IMMP2L: variants seen among roughly 807,000 people sequenced by gnomAD.
The protein encoded by IMMP2L is mitochondrial inner membrane protease subunit 2.
Under a neutral mutation model 19.3 loss-of-function variants are expected in IMMP2L, and 18 were observed. That is an observed-to-expected ratio of 0.93 (90% confidence interval 0.64 to 1.38). The LOEUF (loss-of-function observed/expected upper bound fraction) is 1.38. Among genes scored for constraint, IMMP2L ranks in the 40% most tolerant of loss-of-function variants. The pLI is 0.00. For synonymous variants in IMMP2L, 76 were observed against 73.0 expected (o/e 1.04, Z -0.21); for missense variants, 233 against 218.2 (o/e 1.07, Z -0.43).
intron 3 of IMMP2L, among the ~76,000 whole-genome samples, chr7:111,285,091 C>T (rs1020951833): frequency 6.6e-6 from 1 of 152,034 alleles, no homozygotes; most frequent in African/African-American, 2.4e-5. Context: ...GGAGTTTGCA[C>T]CGACAGCATC....
intron 3 of IMMP2L, among the ~76,000 whole-genome samples, chr7:111,112,217 G>A (rs111526457): frequency 0.025 from 3,823 of 151,852 alleles, 165 homozygotes; most frequent in African/African-American, 0.087. Flanking sequence ...GCCTGACTTC[G>A]CCTCCCAAAG....
At chr7:110,670,925 G>C (rs1033145894) in intron 5 of IMMP2L, among the ~76,000 whole-genome samples, 1 of 152,186 alleles carries the variant, frequency 6.6e-6, no homozygotes, top group Non-Finnish European at 1.5e-5. Context: ...ATTGGAACTT[G>C]ATTCTCCCCT....
At chr7:111,480,626 GA>G (rs1842105099) in intron 3 of IMMP2L, among the ~76,000 whole-genome samples, 2 of 141,804 alleles carry the variant, frequency 1.4e-5, no homozygotes, top group Non-Finnish European at 3.0e-5. Context: ...AAAAAAACTG[GA>G]AACCTAGGTA....
chr7:110,743,911 C>T (rs1797153472), intron 5 of IMMP2L, among the ~76,000 whole-genome samples: 1 of 151,850 alleles, frequency 6.6e-6, no homozygotes, highest in Admixed American at 6.6e-5. Context: ...TGAAACAGAA[C>T]CGTTCACTCC....
chr7:110,698,703 A>G (rs1433832933), intron 5 of IMMP2L, among the ~76,000 whole-genome samples: 6 of 152,210 alleles, frequency 3.9e-5, no homozygotes, highest in Non-Finnish European at 7.3e-5. Context: ...GAGAAAGCCA[A>G]ATGGATTTCG....
intron 3 of IMMP2L, among the ~76,000 whole-genome samples, chr7:111,323,685 T>A (rs1192285915): frequency 6.6e-6 from 1 of 152,084 alleles, no homozygotes; most frequent in Non-Finnish European, 1.5e-5. Context: ...TAAAGACACA[T>A]CCACGCATAT....
At chr7:111,420,421 A>T (rs1835380974) in intron 3 of IMMP2L, among the ~76,000 whole-genome samples, 1 of 151,756 alleles carries the variant, frequency 6.6e-6, no homozygotes, top group Admixed American at 6.6e-5. Context: ...TCTTTTTTTT[A>T]AACTTCAAGT....
intron 3 of IMMP2L, among the ~76,000 whole-genome samples, chr7:111,423,085 A>G (rs1355080088): frequency 6.6e-6 from 1 of 151,848 alleles, no homozygotes; most frequent in Non-Finnish European, 1.5e-5. Flanking sequence ...ATCATGGTGG[A>G]TAAGCTTCTT....
intron 2 of IMMP2L, among the ~76,000 whole-genome samples, chr7:111,519,770 C>A (rs1846178008): frequency 6.6e-6 from 1 of 152,018 alleles, no homozygotes; most frequent in Non-Finnish European, 1.5e-5. Flanking sequence ...ACATGATCCT[C>A]TGGAATATCA....
intron 3 of IMMP2L, among the ~76,000 whole-genome samples, chr7:111,367,479 C>CT (rs111245318): frequency 0.26 from 38,096 of 145,362 alleles, 6,281 homozygotes; most frequent in African/African-American, 0.48. Context: ...AGCAAAAAGG[C>CT]TTTTTTTTTT....
At chr7:111,138,605 A>G (rs186880917) in intron 3 of IMMP2L, among the ~76,000 whole-genome samples, 1 of 152,342 alleles carries the variant, frequency 6.6e-6, no homozygotes, top group Non-Finnish European at 1.5e-5. Flanking sequence ...GTTAGGTAAA[A>G]CTTGTAAATA....
At chr7:110,677,962 C>A (rs527814499) in intron 5 of IMMP2L, among the ~76,000 whole-genome samples, 1 of 152,082 alleles carries the variant, frequency 6.6e-6, no homozygotes, top group African/African-American at 2.4e-5. Flanking sequence ...AGTGATAGTT[C>A]TGGAAGCATG....
chr7:110,849,819 A>T (rs778263441), intron 5 of IMMP2L, among the ~76,000 whole-genome samples: 50 of 152,134 alleles, frequency 3.3e-4, no homozygotes, highest in Non-Finnish European at 6.6e-4. Context: ...TATGGTAGTT[A>T]TCAGAAAGGT....
chr7:111,040,755 T>C (rs1280760805), intron 3 of IMMP2L, among the ~76,000 whole-genome samples: 2 of 149,216 alleles, frequency 1.3e-5, no homozygotes, highest in African/African-American at 4.9e-5. Context: ...ATAAACCTTA[T>C]AAAACCTTAT....
intron 3 of IMMP2L, among the ~76,000 whole-genome samples, chr7:111,010,605 C>T (rs966390328): frequency 2.6e-5 from 4 of 152,000 alleles, no homozygotes; most frequent in African/African-American, 9.7e-5. Context: ...GAAATTGTTG[C>T]GCTACAGGGA....
intron 2 of IMMP2L, among the ~76,000 whole-genome samples, chr7:111,512,040 CAA>C (rs1845497559): frequency 6.6e-6 from 1 of 152,030 alleles, no homozygotes; most frequent in Non-Finnish European, 1.5e-5. Flanking sequence ...CGTATCTGCC[CAA>C]GAGAAATGAA....
At chr7:110,997,580 A>G (rs1823177634) in intron 3 of IMMP2L, among the ~76,000 whole-genome samples, 1 of 151,996 alleles carries the variant, frequency 6.6e-6, no homozygotes, top group African/African-American at 2.4e-5. Flanking sequence ...GTGATATCTC[A>G]TTGTTTTTAA....
intron 3 of IMMP2L, among the ~76,000 whole-genome samples, chr7:111,225,286 A>G (rs1004069370): frequency 2.0e-5 from 3 of 152,132 alleles, no homozygotes; most frequent in African/African-American, 7.2e-5. Flanking sequence ...TGACAGTTAT[A>G]AGAAAGCCTT....
intron 1 of IMMP2L, among the ~76,000 whole-genome samples, chr7:111,538,514 T>C (rs1848102039): frequency 1.3e-5 from 2 of 151,310 alleles, no homozygotes; most frequent in South Asian, 2.1e-4. Context: ...GAAAGAAATA[T>C]GTGGGCTGGA....
Sources: gnomAD v4.1 joint callset for allele counts (sites outside exome capture counted in the v4.1 genomes callset) on GRCh38, gnomAD v4.1.1 for gene constraint, MANE v1.5 for transcripts, NCBI Gene and HGNC (gene_info 2026-07-23, HGNC 2026-07-21) for gene names.